HSD17B4: variants seen among roughly 807,000 people sequenced by gnomAD.
HSD17B4 encodes the protein peroxisomal multifunctional enzyme type 2.
A neutral mutation model predicts 101.0 loss-of-function variants in HSD17B4; 70 were observed. The observed-to-expected ratio is 0.69, with a 90% CI of 0.57 to 0.85. The LOEUF (loss-of-function observed/expected upper bound fraction) is 0.85. HSD17B4 is among the 40% of genes least tolerant of loss of function. The pLI is 0.00. For synonymous variants in HSD17B4, 347 were observed against 297.1 expected (o/e 1.17, Z -1.73); for missense variants, 984 against 892.4 (o/e 1.10, Z -1.31).
intron 21 of HSD17B4, among the ~76,000 whole-genome samples, chr5:119,530,308 T>C (rs533933734): frequency 6.6e-6 from 1 of 152,290 alleles, no homozygotes; most frequent in Admixed American, 6.5e-5. Flanking sequence ...TTGAATATCC[T>C]GTACCTTTTT....
At chr5:119,479,262 T>G (rs2126704243) in intron 8 of HSD17B4, among the ~76,000 whole-genome samples, 1 of 152,008 alleles carries the variant, frequency 6.6e-6, no homozygotes, top group African/African-American at 2.4e-5. Flanking sequence ...TGCATATTCA[T>G]AATTTTTTTT....
At chr5:119,479,105 A>G (rs890971108) in intron 8 of HSD17B4, 84 bp downstream of exon 8, 16 of 969,642 alleles carry the variant, frequency 1.7e-5, no homozygotes, top group African/African-American at 1.3e-4. Context: ...TAATTTTCTG[A>G]ATACTTAAAA....
Position 119,508,804 on chromosome 5 carries a change from C to G in HSD17B4, c.1334-337C>G, listed in dbSNP as rs1451295936. On this transcript the variant is annotated intron_variant, in intron 15 of 23. Transcript: ENST00000510025. The stretch of plus-strand genomic sequence containing the variant: ...TGTTTGAAAGTTCGAGTGTGGTTAC[C>G]TGTACTTTCTAGTGGGATTATTTGA... Among the ~76,000 whole-genome samples, 9 of 152,234 alleles carry G rather than the reference C, an allele frequency of 5.9e-5. No homozygotes were observed. The East Asian group carries it at 1.7e-3, about 29-fold the overall frequency.
intron 17 of HSD17B4, among the ~76,000 whole-genome samples, chr5:119,516,450 T>G (rs1475289325): frequency 2.6e-5 from 4 of 152,166 alleles, no homozygotes; most frequent in African/African-American, 9.7e-5. Context: ...TTCTTTCTTT[T>G]GTTTTTTTTT....
intron 8 of HSD17B4, among the ~76,000 whole-genome samples, chr5:119,480,832 C>G (rs1381199691): frequency 6.6e-6 from 1 of 152,112 alleles, no homozygotes; most frequent in African/African-American, 2.4e-5. Flanking sequence ...CCCCTAGGTG[C>G]GCATTCTCTT....
chr5:119,457,116 C>A (rs1754756160), intron 2 of HSD17B4, among the ~76,000 whole-genome samples: 1 of 152,148 alleles, frequency 6.6e-6, no homozygotes, highest in Admixed American at 6.5e-5. Flanking sequence ...ATGGTTTGGA[C>A]TGATCTAATG....
At position 119,525,089 on chromosome 5, in the gene HSD17B4, TA is replaced by T. The variant is rs143278874; in HGVS notation, c.1504-123del. 2.0e-3 allele frequency: 1,262 copies of T among 645,558 alleles called. 10 individuals are homozygous for T. In the African/African-American group the frequency reaches 0.021, roughly 11 times the overall value. The allele number at this position is 645,558 out of a possible 1,614,324, so 40.0% of individuals were successfully genotyped here. On this transcript the variant is annotated intron_variant, in intron 17 of 23. Transcript: ENST00000510025. The stretch of plus-strand genomic sequence containing the variant: ...CTTTATTGTTAAAAATAATTATTTT[TA>T]AAATCAGAGCCTCAGGTACATTATG...
chr5:119,515,717 A>C (rs72788194), intron 17 of HSD17B4, among the ~76,000 whole-genome samples: 8,919 of 152,250 alleles, frequency 0.059, 285 homozygotes, highest in Non-Finnish European at 0.07. Flanking sequence ...TAGTAGACTA[A>C]CCATGCAGAT....
At chr5:119,536,785 T>C (rs1303662956) in intron 23 of HSD17B4, among the ~76,000 whole-genome samples, 1 of 152,116 alleles carries the variant, frequency 6.6e-6, no homozygotes, top group East Asian at 1.9e-4. Flanking sequence ...TATATTCTGT[T>C]ATGTGTTCAA....
In HSD17B4 at chr5:119,477,461, C is replaced by T. The variant is rs773305477; in HGVS notation, c.394C>T (p.Arg132Trp). ...TTTGCGGGGTTCATTCCAAGTGACA[C>T]GGGCAGCATGGGAACACATGAAGAA... The part of the protein sequence containing the change: ...VHLRGSFQVT[R>W]AAWEHMKKQK... The change falls in exon 7 of 24, where the codon CGG becomes TGG. Residue 132 changes from arginine (R) to tryptophan (W), a missense_variant. Arg to Trp is a moderately radical substitution (Grantham distance 101, BLOSUM62 -3). Coordinates refer to ENST00000510025, the MANE Select transcript of HSD17B4 (RefSeq NM_000414.4). 8.1e-6 allele frequency: 13 copies of T among 1,612,546 alleles called. No homozygotes were observed. The highest frequency in any genetic ancestry group is 4.5e-5 in the East Asian group (2 of 44,854).
chr5:119,515,051 G>A lies in HSD17B4; in HGVS notation c.1503+5G>A, dbSNP rs1752493243. On this transcript the variant is annotated splice_donor_5th_base_variant and intron_variant, in intron 17 of 23. Coordinates refer to ENST00000510025, the MANE Select transcript of HSD17B4 (RefSeq NM_000414.4). ...GATACCACCTCTCTTAATCAGGTAA[G>A]ATTGTATTTTTGAAAAATGATAAAT... is the stretch of plus-strand genomic sequence containing the variant. 1.9e-6 allele frequency: 3 copies of A among 1,547,172 alleles called. No homozygotes were observed. Among genetic ancestry groups the A allele is most frequent in the Non-Finnish European group, 2.7e-6 (3 of 1,119,366 alleles).
chr5:119,486,099 C>T lies in HSD17B4; in HGVS notation c.623-3093C>T, dbSNP rs1050149572. Among the ~76,000 whole-genome samples the T allele has an allele frequency of 3.3e-5, 5 of 152,130 alleles. No homozygotes were observed. The East Asian group carries it at 9.6e-4, about 29-fold the overall frequency. On this transcript the variant is annotated intron_variant, in intron 8 of 23. Transcript: ENST00000510025. The stretch of plus-strand genomic sequence containing the variant: ...TTGTCAGGAGGCCTCAGTTTCTCAC[C>T]ATGTGGCTTTTCCATAGGACTGCTC...
At chr5:119,533,781 C>T (rs937541811) in intron 22 of HSD17B4, among the ~76,000 whole-genome samples, 5 of 152,190 alleles carry the variant, frequency 3.3e-5, no homozygotes, top group East Asian at 1.9e-4. Context: ...GCTTCATTCA[C>T]CACCTTGCTT....
At chr5:119,525,855 T>C (rs1248464945) in intron 18 of HSD17B4, 62 bp from the exon 19 acceptor site, 14 of 945,244 alleles carry the variant, frequency 1.5e-5, no homozygotes, top group Non-Finnish European at 5.3e-6. Flanking sequence ...CTGAATTAAC[T>C]ACACTTGATT....
intron 7 of HSD17B4, 126 bp from the exon 8 acceptor site, chr5:119,478,708 C>CG: frequency 1.5e-6 from 1 of 667,872 alleles, no homozygotes; most frequent in Non-Finnish European, 2.7e-6. Flanking sequence ...AAATCATGAT[C>CG]GTAAGAAGCT....
At chr5:119,522,982 G>C (rs1179625349) in intron 17 of HSD17B4, among the ~76,000 whole-genome samples, 1 of 152,122 alleles carries the variant, frequency 6.6e-6, no homozygotes, top group Non-Finnish European at 1.5e-5. Context: ...CTGCCACTCT[G>C]CAGTAGCTTT....
At position 119,463,522 on chromosome 5, in the gene HSD17B4, A is replaced by ATT. The variant is rs200229610; in HGVS notation, c.112+7167_112+7168dup. Among the ~76,000 whole-genome samples, 440 of 117,902 alleles carry ATT rather than the reference A, an allele frequency of 3.7e-3. 2 individuals are homozygous for ATT. Among genetic ancestry groups the ATT allele is most frequent in the East Asian group, 0.022 (101 of 4,504 alleles). The allele number at this position is 117,902 out of a possible 152,430, so 77.3% of individuals were successfully genotyped here. On this transcript the variant is annotated intron_variant, in intron 2 of 23. Transcript: ENST00000510025. ...CTTCACATTTTTGTCATCCTTTGTT[A>ATT]TTTTTTTTTTTTTTGCCTTTTTGAT...
intron 11 of HSD17B4, among the ~76,000 whole-genome samples, chr5:119,496,182 T>C (rs970502969): frequency 2.6e-5 from 4 of 152,172 alleles, no homozygotes; most frequent in African/African-American, 9.7e-5. Context: ...AGAGGAGGAA[T>C]CAGTGATCTC....
chr5:119,496,886 A>G lies in HSD17B4; in HGVS notation c.972+240A>G, dbSNP rs527941290. On this transcript the variant is annotated intron_variant, in intron 12 of 23. Coordinates refer to ENST00000510025, the MANE Select transcript of HSD17B4 (RefSeq NM_000414.4). ...CCTGATTTCAACATACAGAGTATTC[A>G]GGACAGTTGAGCCACATGAAGAGAT... 2.0e-5 allele frequency among the ~76,000 whole-genome samples: 3 copies of G among 152,370 alleles called. No individual in the cohort carries two copies. In the East Asian group the frequency reaches 5.8e-4, roughly 29 times the overall value.
Sources: gnomAD v4.1 joint callset for allele counts (sites outside exome capture counted in the v4.1 genomes callset) on GRCh38, gnomAD v4.1.1 for gene constraint, MANE v1.5 for transcripts, NCBI Gene and HGNC (gene_info 2026-07-23, HGNC 2026-07-21) for gene names.